STX7: variants seen among roughly 807,000 people sequenced by gnomAD.
STX7 encodes the protein syntaxin-7.
A neutral mutation model predicts 39.6 loss-of-function variants in STX7; 34 were observed. The ratio of observed to expected loss-of-function variants is 0.86; its 90% confidence interval spans 0.65 to 1.14. The LOEUF (loss-of-function observed/expected upper bound fraction) is 1.14. Among genes scored for constraint, STX7 ranks in the 50% most tolerant of loss-of-function variants. The pLI is 0.00. For missense variants in STX7, 284 were observed against 310.4 expected (o/e 0.92, Z 0.64); for synonymous variants, 119 against 99.1 (o/e 1.20, Z -1.19).
At chr6:132,472,203 G>T (rs964736791) in intron 4 of STX7, 79 bp downstream of exon 4, 2 of 1,029,850 alleles carry the variant, frequency 1.9e-6, no homozygotes, top group Non-Finnish European at 2.8e-6. Context: ...CCTTTCTAGC[G>T]TAACAGTTCA....
rs1037882604 is a variant in STX7, at chr6:132,456,936, G to T, written c.*3822C>A. Reference sequence around the variant, plus strand: ...GAGGCCACTGCAGACAGAAGTGTAGGCGGGCAGAGGACATGAGTTTCACAG... The same window carrying T: ...GAGGCCACTGCAGACAGAAGTGTAGTCGGGCAGAGGACATGAGTTTCACAG... On this transcript the variant is annotated 3_prime_UTR_variant, in exon 10 of 10. Transcript: ENST00000367941. 6.6e-6 allele frequency: 1 copy of T among 152,308 alleles called. No homozygotes were observed. The highest frequency in any genetic ancestry group is 1.5e-5 in the Non-Finnish European group (1 of 68,100). 9.4% of individuals were successfully genotyped at this position (152,308 alleles called of 1,614,324 possible).
At chr6:132,492,252 T>C (rs1275827646) in intron 2 of STX7, among the ~76,000 whole-genome samples, 1 of 152,178 alleles carries the variant, frequency 6.6e-6, no homozygotes, top group African/African-American at 2.4e-5. Flanking sequence ...CCTTCAAATA[T>C]GTGCTCAACG....
rs966236422 is a variant in STX7, at chr6:132,450,574, G to A, written c.*10184C>T. 14 of 151,860 alleles carry A rather than the reference G, an allele frequency of 9.2e-5. No homozygotes were observed. Among genetic ancestry groups the A allele is most frequent in the African/African-American group, 3.1e-4 (13 of 41,324 alleles). The allele number at this position is 151,860 out of a possible 1,614,324, so 9.4% of individuals were successfully genotyped here. The stretch of plus-strand genomic sequence containing the variant: ...TATAGTATAGGTTTATACTCCAGGG[G>A]TCAACCAACATTTTCGGTAAAGGGC... On this transcript the variant is annotated 3_prime_UTR_variant, in exon 10 of 10. Transcript: ENST00000367941.
intron 8 of STX7, among the ~76,000 whole-genome samples, chr6:132,467,213 T>A (rs1774585827): frequency 6.6e-6 from 1 of 152,184 alleles, no homozygotes; most frequent in South Asian, 2.1e-4. Context: ...TTGGACATGA[T>A]CTCCATCTCC....
intron 1 of STX7, among the ~76,000 whole-genome samples, chr6:132,508,896 A>C (rs1309849583): frequency 6.6e-6 from 1 of 152,192 alleles, no homozygotes; most frequent in Non-Finnish European, 1.5e-5. Flanking sequence ...AACAATGGCC[A>C]ACACTCATCC....
At chr6:132,469,904 C>A in intron 7 of STX7, 47 bp downstream of exon 7, 1 of 1,472,448 alleles carries the variant, frequency 6.8e-7, no homozygotes, top group Admixed American at 2.1e-5. Flanking sequence ...TGAGAACAAA[C>A]TCACTAAGAC....
At chr6:132,463,134 G>T (rs1338501672) in intron 9 of STX7, among the ~76,000 whole-genome samples, 1 of 152,114 alleles carries the variant, frequency 6.6e-6, no homozygotes, top group Non-Finnish European at 1.5e-5. Context: ...TCTTCAGCCA[G>T]GAGGCAGAGG....
At chr6:132,471,347 G>T in intron 5 of STX7, 116 bp downstream of exon 5, 3 of 1,182,026 alleles carry the variant, frequency 2.5e-6, no homozygotes, top group Admixed American at 2.7e-5. Flanking sequence ...TTCAAGAGCT[G>T]ATTTCCAAGA....
chr6:132,461,996 A>C, intron 9 of STX7: 1 of 825,808 alleles, frequency 1.2e-6, no homozygotes, highest in Non-Finnish European at 1.8e-6. Context: ...TATTCATCTA[A>C]TTTTTCCAGT....
intron 2 of STX7, among the ~76,000 whole-genome samples, chr6:132,482,931 T>C (rs1775046765): frequency 6.6e-6 from 1 of 151,042 alleles, no homozygotes; most frequent in African/African-American, 2.4e-5. Flanking sequence ...TGTACAGACT[T>C]CCAAGCTAAG....
chr6:132,466,143 A>G (rs1774559012), intron 8 of STX7, among the ~76,000 whole-genome samples: 1 of 152,010 alleles, frequency 6.6e-6, no homozygotes, highest in South Asian at 2.1e-4. Context: ...CACCTACACT[A>G]TTTCACCAAC....
At chr6:132,501,354 A>C (rs569783329) in intron 2 of STX7, among the ~76,000 whole-genome samples, 1 of 152,244 alleles carries the variant, frequency 6.6e-6, no homozygotes, top group South Asian at 2.1e-4. Context: ...ATGCCCTGCC[A>C]ACAGTCCCAG....
In STX7 at chr6:132,460,536, C is replaced by A; in HGVS notation, c.*222G>T. 2.7e-6 allele frequency: 1 copy of A among 369,994 alleles called. No individual in the cohort carries two copies. The highest frequency in any genetic ancestry group is 4.8e-6 in the Non-Finnish European group (1 of 206,872). The allele number at this position is 369,994 out of a possible 1,614,324, so 22.9% of individuals were successfully genotyped here. ...AACTTAACAACTATTAAATTGAAGA[C>A]CAAGGGAGTTATGTCAGCAGTGACA... On this transcript the variant is annotated 3_prime_UTR_variant, in exon 10 of 10. Transcript: ENST00000367941.
rs1393776151 is a variant in STX7 at position 132,456,275 on chromosome 6, T to C, written c.*4483A>G. 1 of 152,238 alleles carries C rather than the reference T, an allele frequency of 6.6e-6. No individual in the cohort carries two copies. The highest frequency in any genetic ancestry group is 1.5e-5 in the Non-Finnish European group (1 of 68,042). 9.4% of individuals were successfully genotyped at this position (152,238 alleles called of 1,614,324 possible). A position where few individuals can be genotyped will look rare whatever the true frequency, so the allele number is the denominator to read the frequency against. On this transcript the variant is annotated 3_prime_UTR_variant, in exon 10 of 10. Transcript: ENST00000367941. ...CAGTTACTTAGTAAGGAAAACTGGA[T>C]AAACAGGAGGCTGGTCCAAACGGAG...
chr6:132,503,329 G>T, intron 2 of STX7, 117 bp downstream of exon 2: 1 of 807,096 alleles, frequency 1.2e-6, no homozygotes, highest in Non-Finnish European at 2.1e-6. Context: ...TTTAAAACCT[G>T]TTGTTAGAGG....
intron 2 of STX7, among the ~76,000 whole-genome samples, chr6:132,487,668 G>T (rs113037288): frequency 0.023 from 3,541 of 151,840 alleles, 123 homozygotes; most frequent in African/African-American, 0.08. Context: ...CCATTTCAAA[G>T]GAAAAAACCT....
At chr6:132,481,070 T>C (rs1200583393) in intron 2 of STX7, among the ~76,000 whole-genome samples, 1 of 152,182 alleles carries the variant, frequency 6.6e-6, no homozygotes, top group Admixed American at 6.5e-5. Flanking sequence ...AGGAACTGAA[T>C]AGACCTCAGT....
intron 8 of STX7, among the ~76,000 whole-genome samples, chr6:132,467,119 T>C (rs1474548224): frequency 2.0e-5 from 3 of 152,202 alleles, no homozygotes; most frequent in African/African-American, 4.8e-5. Flanking sequence ...AGCAGGGTTA[T>C]AGCACTCTTC....
intron 3 of STX7, 137 bp from the exon 4 acceptor site, chr6:132,472,512 C>CA: frequency 1.3e-5 from 7 of 553,442 alleles, no homozygotes; most frequent in South Asian, 3.1e-5. Flanking sequence ...CTTTCTCTAT[C>CA]AAAAAAAATT....
Sources: allele counts gnomAD v4.1 joint callset (sites outside exome capture counted in the v4.1 genomes callset), GRCh38; gene constraint gnomAD v4.1.1; transcripts MANE v1.5; gene names NCBI Gene and HGNC (gene_info 2026-07-23, HGNC 2026-07-21).